PAPPA: variants seen among roughly 807,000 people sequenced by gnomAD.
PAPPA encodes the protein pappalysin 1.
PAPPA carries 60 observed loss-of-function variants against 164.0 expected under a neutral mutation model. That is an observed-to-expected ratio of 0.37 (90% CI 0.30 to 0.45). The LOEUF (loss-of-function observed/expected upper bound fraction) is 0.45, where lower values mean the gene tolerates loss of function less well. PAPPA is among the 20% of genes least tolerant of loss of function. The pLI is 1.00. For synonymous variants in PAPPA, 875 were observed against 814.1 expected, an observed-to-expected ratio of 1.07 and a Z score of -1.27; for missense variants, 1,782 against 2,087.3, an observed-to-expected ratio of 0.85 and a Z score of 2.85.
At chr9:116,231,236 T>C (rs544499389) in intron 6 of PAPPA, among the ~76,000 whole-genome samples, 110 of 152,166 alleles carry the variant, frequency 7.2e-4, no homozygotes, top group Non-Finnish European at 1.3e-3. Context: ...TCACTGTATA[T>C]ACAAAAGGAT....
chr9:116,381,646 C>T (rs1846733107), intron 20 of PAPPA, among the ~76,000 whole-genome samples: 1 of 152,078 alleles, frequency 6.6e-6, no homozygotes, highest in South Asian at 2.1e-4. Flanking sequence ...GCCAGAACAG[C>T]CAAGAGAGAT....
chr9:116,286,896 A>G (rs1845346320), intron 9 of PAPPA: 2 of 152,174 alleles, frequency 1.3e-5, no homozygotes, highest in African/African-American at 4.8e-5. Context: ...GCCAAAGAGG[A>G]AACGGACTCA....
intron 10 of PAPPA, among the ~76,000 whole-genome samples, chr9:116,319,279 C>T (rs1845824715): frequency 6.6e-6 from 1 of 152,212 alleles, no homozygotes; most frequent in South Asian, 2.1e-4. Context: ...ACACTAATCA[C>T]TCTCCCTTGT....
intron 9 of PAPPA, among the ~76,000 whole-genome samples, chr9:116,295,478 C>A (rs1845493639): frequency 7.0e-6 from 1 of 143,688 alleles, no homozygotes; most frequent in Non-Finnish European, 1.5e-5. Context: ...TGCTAGAACC[C>A]AAGAGGAAGA....
chr9:116,383,885 T>TA (rs1487220584), intron 21 of PAPPA, among the ~76,000 whole-genome samples: 2 of 152,236 alleles, frequency 1.3e-5, no homozygotes, highest in Non-Finnish European at 2.9e-5. Context: ...TAAGGAATTT[T>TA]ATCATTTTTT....
chr9:116,176,043 G>A (rs989474495), intron 1 of PAPPA, among the ~76,000 whole-genome samples: 9 of 152,194 alleles, frequency 5.9e-5, no homozygotes, highest in Admixed American at 3.3e-4. Context: ...GATAGCAGGT[G>A]CTCATCAACA....
At chr9:116,289,910 G>T (rs1323440) in intron 9 of PAPPA, among the ~76,000 whole-genome samples, 146,446 of 152,268 alleles carry the variant, frequency 0.96, 70,680 homozygotes, top group East Asian at 1. Flanking sequence ...AAAACTATTT[G>T]TTGATAGTGT....
intron 4 of PAPPA, among the ~76,000 whole-genome samples, chr9:116,218,624 T>C (rs1400459166): frequency 1.3e-5 from 2 of 152,144 alleles, no homozygotes; most frequent in Non-Finnish European, 2.9e-5. Flanking sequence ...GGTCCTTAGA[T>C]CTAAAGACAC....
chr9:116,391,209 T>C (rs1265784555), intron 21 of PAPPA, among the ~76,000 whole-genome samples: 1 of 152,248 alleles, frequency 6.6e-6, no homozygotes, highest in African/African-American at 2.4e-5. Flanking sequence ...ATACATTAAC[T>C]GTTCCACGTT....
chr9:116,345,450 A>AAC (rs1294060175), intron 14 of PAPPA, among the ~76,000 whole-genome samples: 2 of 151,982 alleles, frequency 1.3e-5, no homozygotes, highest in East Asian at 3.9e-4. Flanking sequence ...AAAAAAAAAA[A>AAC]AAACATGCCA....
At chr9:116,230,537 A>G (rs979466390) in intron 6 of PAPPA, among the ~76,000 whole-genome samples, 2 of 152,222 alleles carry the variant, frequency 1.3e-5, no homozygotes, top group African/African-American at 4.8e-5. Flanking sequence ...CACAGAATGA[A>G]AAGTTGAAAT....
intron 10 of PAPPA, among the ~76,000 whole-genome samples, chr9:116,314,574 T>C (rs770188436): frequency 2.6e-5 from 4 of 152,218 alleles, no homozygotes; most frequent in African/African-American, 7.2e-5. Context: ...TTGTTCCCCA[T>C]GGCCTATAAA....
chr9:116,179,633 C>T lies in PAPPA; in HGVS notation c.416-7521C>T, dbSNP rs74864932. Among the ~76,000 whole-genome samples, 938 of 152,294 alleles carry T rather than the reference C, an allele frequency of 6.2e-3. 34 individuals carry two copies. The East Asian group carries it at 0.11, about 17-fold the overall frequency. ...GGAGCAGTCCCCCAGGTACCCTCCT[C>T]GGTGATATCCCAGCCTTCCTCTGAA... On this transcript the variant is annotated intron_variant, in intron 1 of 21. Transcript: ENST00000328252.
intron 1 of PAPPA, among the ~76,000 whole-genome samples, chr9:116,171,182 A>T (rs914785158): frequency 2.6e-5 from 4 of 152,170 alleles, no homozygotes; most frequent in Admixed American, 2.6e-4. Flanking sequence ...AGGTGAGACC[A>T]GAGAAGGGAG....
At chr9:116,395,628 T>C (rs1330743237) in intron 21 of PAPPA, among the ~76,000 whole-genome samples, 3 of 152,224 alleles carry the variant, frequency 2.0e-5, no homozygotes, top group Non-Finnish European at 4.4e-5. Context: ...GGGCTCTTCC[T>C]ATCAGTTTGC....
chr9:116,221,072 G>A (rs1844440276), intron 5 of PAPPA, among the ~76,000 whole-genome samples: 1 of 151,880 alleles, frequency 6.6e-6, no homozygotes, highest in African/African-American at 2.4e-5. Context: ...ACATGGCCTT[G>A]AGCAAGTCAC....
chr9:116,175,105 A>G (rs1433818011), intron 1 of PAPPA, among the ~76,000 whole-genome samples: 2 of 152,182 alleles, frequency 1.3e-5, no homozygotes, highest in African/African-American at 2.4e-5. Flanking sequence ...TCCTTTCACT[A>G]TTTATACATT....
chr9:116,221,876 C>T (rs1844451055), intron 5 of PAPPA, among the ~76,000 whole-genome samples: 1 of 152,278 alleles, frequency 6.6e-6, no homozygotes, highest in Middle Eastern at 3.4e-3. Context: ...AAATGCTCAA[C>T]CTCACTAATC....
chr9:116,219,442 T>C (rs904458939), intron 4 of PAPPA, among the ~76,000 whole-genome samples: 1 of 152,180 alleles, frequency 6.6e-6, no homozygotes, highest in African/African-American at 2.4e-5. Flanking sequence ...AATTAATGAA[T>C]GAGTGGATGA....
Sources: gnomAD v4.1 joint callset for allele counts (sites outside exome capture counted in the v4.1 genomes callset) on GRCh38, gnomAD v4.1.1 for gene constraint, MANE v1.5 for transcripts, NCBI Gene and HGNC (gene_info 2026-07-23, HGNC 2026-07-21) for gene names.